Variants in ABAT observed in about 807,000 individuals in gnomAD.
The protein encoded by ABAT is 4-aminobutyrate aminotransferase, mitochondrial.
A neutral mutation model predicts 64.6 loss-of-function variants in ABAT; 45 were observed. That is an observed-to-expected ratio of 0.70 (90% confidence interval 0.55 to 0.89). ABAT has a LOEUF of 0.89. Ranked by LOEUF, ABAT falls within the 40% of genes least tolerant of loss-of-function variation. ABAT has a pLI of 0.00. For missense variants in ABAT, 633 were observed against 658.4 expected (o/e 0.96, Z 0.42); for synonymous variants, 297 against 250.5 (o/e 1.19, Z -1.75).
chr16:8,730,490 C>A (rs560606209), intron 1 of ABAT, among the ~76,000 whole-genome samples: 1 of 152,170 alleles, frequency 6.6e-6, no homozygotes. Flanking sequence ...ACTCTGAACC[C>A]GCCTGTCATT....
chr16:8,686,914 T>C (rs891094665), intron 1 of ABAT, among the ~76,000 whole-genome samples: 1 of 152,224 alleles, frequency 6.6e-6, no homozygotes, highest in Non-Finnish European at 1.5e-5. Flanking sequence ...CTGAAAGTGC[T>C]TTCCTTAGCC....
At chr16:8,751,585 C>A (rs1225628263) in intron 5 of ABAT, among the ~76,000 whole-genome samples, 2 of 152,276 alleles carry the variant, frequency 1.3e-5, no homozygotes, top group South Asian at 4.2e-4. Context: ...AAGCAAAGGG[C>A]CTGGCTTTTT....
intron 1 of ABAT, among the ~76,000 whole-genome samples, chr16:8,697,569 C>A (rs1273373): frequency 0.71 from 107,270 of 151,876 alleles, 38,316 homozygotes; most frequent in East Asian, 0.87. Context: ...CCTTTGGAAT[C>A]ATGTATGAAT....
At chr16:8,722,689 T>G (rs1212739758) in intron 1 of ABAT, 1 of 617,904 alleles carries the variant, frequency 1.6e-6, no homozygotes, top group Admixed American at 3.2e-5. Context: ...ACCTCCTTGG[T>G]CACAATTTCA....
intron 3 of ABAT, among the ~76,000 whole-genome samples, chr16:8,747,183 G>A (rs1008486053): frequency 6.6e-6 from 1 of 152,096 alleles, no homozygotes; most frequent in Non-Finnish European, 1.5e-5. Flanking sequence ...CAAGGGCTGG[G>A]GTACAACATC....
At chr16:8,683,852 C>G (rs2057390646) in intron 1 of ABAT, among the ~76,000 whole-genome samples, 1 of 113,766 alleles carries the variant, frequency 8.8e-6, no homozygotes, top group African/African-American at 3.1e-5. Context: ...ACAGACGTAG[C>G]CATCTGGCAT....
At chr16:8,736,828 A>G (rs979572410) in intron 2 of ABAT, 4 of 152,252 alleles carry the variant, frequency 2.6e-5, no homozygotes, top group South Asian at 2.1e-4. Flanking sequence ...TCCGGCTCCA[A>G]TGCTAACTAC....
chr16:8,732,172 G>A (rs1567291318), intron 1 of ABAT, among the ~76,000 whole-genome samples: 1 of 150,322 alleles, frequency 6.7e-6, no homozygotes, highest in Non-Finnish European at 1.5e-5. Context: ...GTTTCTAGGA[G>A]GTTGACTACT....
rs1423399069 is a variant in ABAT at position 8,776,058 on chromosome 16, G to T, written c.1123-286G>T. On this transcript the variant is annotated intron_variant, in intron 13 of 15. Coordinates refer to ENST00000268251, the MANE Select transcript of ABAT (RefSeq NM_020686.6). This position sits in a 1 kb window ranked among gnomAD's most constrained non-coding sequence, Gnocchi z 4.4. ...GGAACTGACTGTCTTGGTTTCCTGGGACTGAGGGATTTCCCAGTGCATGGG... is the reference window on the plus strand; with the variant it reads ...GGAACTGACTGTCTTGGTTTCCTGGTACTGAGGGATTTCCCAGTGCATGGG... 6.6e-6 allele frequency among the ~76,000 whole-genome samples: 1 copy of T among 152,184 alleles called. No homozygotes were observed. Among genetic ancestry groups the T allele is most frequent in the Non-Finnish European group, 1.5e-5 (1 of 68,040 alleles).
At chr16:8,754,606 G>C (rs1416590998) in intron 5 of ABAT, among the ~76,000 whole-genome samples, 2 of 152,030 alleles carry the variant, frequency 1.3e-5, no homozygotes, top group African/African-American at 4.8e-5. Flanking sequence ...ACAGATTTCA[G>C]CTCGTTTCTC....
intron 5 of ABAT, 44 bp downstream of exon 5, chr16:8,750,583 G>T (rs1430708912): frequency 1.3e-6 from 2 of 1,561,846 alleles, no homozygotes; most frequent in African/African-American, 1.4e-5. Flanking sequence ...CTCTGTTTCT[G>T]TCTCTCCTAG....
chr16:8,693,309 A>G (rs897915881), intron 1 of ABAT, among the ~76,000 whole-genome samples: 8 of 152,136 alleles, frequency 5.3e-5, no homozygotes. Context: ...AAATTTTTTC[A>G]ATGTTTCTAG....
chr16:8,775,971 A>G (rs2060254641), intron 13 of ABAT, among the ~76,000 whole-genome samples: 1 of 152,178 alleles, frequency 6.6e-6, no homozygotes, highest in African/African-American at 2.4e-5. Context: ...GCCTTAGACA[A>G]ATCACTTAGC....
At chr16:8,739,503 A>T (rs894510742) in intron 2 of ABAT, among the ~76,000 whole-genome samples, 2 of 152,122 alleles carry the variant, frequency 1.3e-5, no homozygotes, top group African/African-American at 4.8e-5. Flanking sequence ...GGATCACCTG[A>T]GGTCAGGAGT....
chr16:8,712,006 G>GT (rs1041947540), intron 1 of ABAT, among the ~76,000 whole-genome samples: 4 of 16,518 alleles, frequency 2.4e-4, no homozygotes, highest in East Asian at 0.013. Context: ...TTGGGAGGTC[G>GT]GGGGGGAGGG....
chr16:8,780,305 G>A (rs1183996987), intron 15 of ABAT: 2 of 163,464 alleles, frequency 1.2e-5, no homozygotes, highest in Admixed American at 1.1e-4. Flanking sequence ...CTGAGGACAT[G>A]TGTGGCAGGG....
At position 8,772,820 on chromosome 16, in the gene ABAT, C is replaced by A; in HGVS notation, c.857C>A (p.Thr286Lys). Reference protein sequence around the residue: ...LIVKYRKKKKTVAGIIVEPIQ... With the variant: ...LIVKYRKKKKKVAGIIVEPIQ... ...GTGAAATATCGGAAAAAGAAGAAGA[C>A]GGTGGCCGGGATCATCGTGGAGCCC... Residue 286 changes from threonine (T) to lysine (K), a missense_variant, in exon 12 of 16, where the codon ACG (threonine) becomes AAG (lysine). Transcript: ENST00000268251. The A allele has an allele frequency of 6.2e-7, 1 of 1,614,042 alleles. No homozygotes were observed. The highest frequency in any genetic ancestry group is 8.5e-7 in the Non-Finnish European group (1 of 1,180,002).
At chr16:8,714,987 C>T (rs981945844) in intron 1 of ABAT, 1 of 152,350 alleles carries the variant, frequency 6.6e-6, no homozygotes, top group African/African-American at 2.4e-5. Flanking sequence ...CGTTAAACAT[C>T]CCGTCACTGC....
intron 12 of ABAT, among the ~76,000 whole-genome samples, chr16:8,773,158 ATT>A (rs57095363): frequency 0.067 from 8,442 of 126,868 alleles, 362 homozygotes; most frequent in Middle Eastern, 0.17. Context: ...ATATATATAT[ATT>A]TTTTTTTTTG....
Sources: gnomAD v4.1 joint callset for allele counts (sites outside exome capture counted in the v4.1 genomes callset) on GRCh38, gnomAD v4.1.1 for gene constraint, Gnocchi (gnomAD v3.1) non-coding constraint, MANE v1.5 for transcripts, NCBI Gene and HGNC (gene_info 2026-07-23, HGNC 2026-07-21) for gene names.